The following MAGT1 variants were observed in gnomAD, a reference collection of about 807,000 sequenced individuals.
The protein encoded by MAGT1 is magnesium transporter 1, also known as dolichyl-diphosphooligosaccharide--protein glycosyltransferase subunit MAGT1.
A neutral mutation model predicts 28.4 loss-of-function variants in MAGT1; 4 were observed. The observed-to-expected ratio is 0.14, with a 90% confidence interval of 0.07 to 0.32. The LOEUF is 0.32. Among genes scored for constraint, MAGT1 ranks in the 10% least tolerant of loss-of-function variants. The probability of loss-of-function intolerance (pLI) is 1.00; values close to 1 mark genes in which losing one functional copy is unlikely to be tolerated. For missense variants in MAGT1, 193 were observed against 264.5 expected (o/e 0.73, Z 1.88); for synonymous variants, 89 against 89.7 (o/e 0.99, Z 0.04).
At chrX:77,895,534 C>A (rs1249382459), upstream of MAGT1, 6 of 1,132,159 alleles carry the variant, frequency 5.3e-6, no homozygotes, top group Admixed American at 1.6e-4. Flanking sequence ...GCCGGGAGAC[C>A]CCTCACATTA....
intron 8 of MAGT1, among the ~76,000 whole-genome samples, chrX:77,832,909 T>C (rs919333621): frequency 2.7e-5 from 3 of 110,669 alleles, no homozygotes; most frequent in African/African-American, 9.8e-5. Context: ...TCTTTTGCCT[T>C]TTCTAATTGT....
chrX:77,869,364 C>G, intron 3 of MAGT1, among the ~76,000 whole-genome samples: 1 of 111,036 alleles, frequency 9.0e-6, no homozygotes, highest in Non-Finnish European at 1.9e-5. Context: ...TGGCTAAGAC[C>G]CCAAAAGCAA....
rs2076881840 is a variant in MAGT1 at position 77,825,856 on chromosome X, C to T, written c.*3364G>A. ...TTTACTTAGTATAAAGAAATATGTT[C>T]AGAGAGGTTCAGGTGACACCTATGG... On this transcript the variant is annotated 3_prime_UTR_variant, in exon 10 of 10. Transcript: ENST00000618282. Among the ~76,000 whole-genome samples, 1 of 112,698 alleles carries T rather than the reference C, an allele frequency of 8.9e-6. No individual in the cohort carries two copies. Among genetic ancestry groups the T allele is most frequent in the African/African-American group, 3.2e-5 (1 of 31,052 alleles).
intron 8 of MAGT1, 146 bp from the exon 9 acceptor site, chrX:77,831,041 G>A (rs971424313): frequency 3.0e-4 from 53 of 177,627 alleles, no homozygotes; most frequent in South Asian, 3.0e-4. Context: ...TTTTTGAGAC[G>A]GAGTCTCGCT....
chrX:77,871,324 T>G (rs2149023864), intron 2 of MAGT1, among the ~76,000 whole-genome samples: 1 of 112,688 alleles, frequency 8.9e-6, no homozygotes, highest in South Asian at 3.6e-4. Flanking sequence ...AGAAATACAA[T>G]ATTAATTCAT....
At position 77,884,724 on chromosome X, in the gene MAGT1, T is replaced by C. The variant is rs1441378071; in HGVS notation, c.103-9127A>G. On this transcript the variant is annotated intron_variant, in intron 1 of 9. Transcript: ENST00000618282. ...CTCCCAGCTGCAACAACCAAAAATA[T>C]CTCCACACACTGCCAAATATCTCCT... 3.8e-5 allele frequency among the ~76,000 whole-genome samples: 4 copies of C among 105,928 alleles called. No individual in the cohort carries two copies. The East Asian group carries it at 1.2e-3, about 32-fold the overall frequency. The allele number at this position is 105,928 out of a possible 115,157, so 92.0% of individuals were successfully genotyped here.
At chrX:77,845,776 C>G (rs1449661661) in intron 7 of MAGT1, among the ~76,000 whole-genome samples, 5 of 112,136 alleles carry the variant, frequency 4.5e-5, no homozygotes, top group African/African-American at 1.6e-4. Flanking sequence ...CCACTCTCTT[C>G]TGGCTTGTAG....
At position 77,870,828 on chromosome X, in the gene MAGT1, C is replaced by T. The variant is rs1329499325; in HGVS notation, c.370G>A (p.Gly124Ser). The part of the protein sequence containing the change: ...IFFAMVDFDE[G>S]SDVFQMLNMN... Reference sequence around the variant, plus strand: ...CTTACCATCTGAAATACATCAGAGCCTTCATCAAAATCCACCATGGCAAAA... The same window carrying T: ...CTTACCATCTGAAATACATCAGAGCTTTCATCAAAATCCACCATGGCAAAA... The change falls in exon 3 of 10, where the codon GGC becomes AGC. Residue 124 changes from glycine to serine, a missense_variant. Coordinates refer to ENST00000618282, the MANE Select transcript of MAGT1 (RefSeq NM_001367916.1). 1 of 1,192,104 alleles carries T rather than the reference C, an allele frequency of 8.4e-7. No homozygotes were observed. The highest frequency in any genetic ancestry group is 1.8e-5 in the African/African-American group (1 of 56,923).
intron 8 of MAGT1, among the ~76,000 whole-genome samples, chrX:77,833,989 G>A (rs1557213604): frequency 9.2e-6 from 1 of 108,806 alleles, no homozygotes; most frequent in African/African-American, 3.3e-5. Flanking sequence ...CACCTACAGT[G>A]AACTCATTTT....
intron 1 of MAGT1, among the ~76,000 whole-genome samples, chrX:77,892,029 C>A (rs2077084083): frequency 9.1e-6 from 1 of 109,380 alleles, no homozygotes; most frequent in African/African-American, 3.3e-5. Context: ...GTAGCTGGGA[C>A]TACAGGCATG....
chrX:77,849,451 G>A (rs1481626735), intron 7 of MAGT1, among the ~76,000 whole-genome samples: 2 of 111,095 alleles, frequency 1.8e-5, no homozygotes, highest in African/African-American at 3.3e-5. Context: ...AGTCAGGATA[G>A]CAGTTATTTC....
chrX:77,858,040 G>A (rs1415437074), intron 3 of MAGT1, among the ~76,000 whole-genome samples: 1 of 111,673 alleles, frequency 9.0e-6, no homozygotes, highest in Non-Finnish European at 1.9e-5. Context: ...ATATATTTGA[G>A]AAGACAACAC....
At chrX:77,850,704 A>G (rs1423409729) in intron 7 of MAGT1, among the ~76,000 whole-genome samples, 1 of 111,272 alleles carries the variant, frequency 9.0e-6, no homozygotes, top group Non-Finnish European at 1.9e-5. Flanking sequence ...AATGTATACT[A>G]AACCTTAGGC....
intron 7 of MAGT1, among the ~76,000 whole-genome samples, chrX:77,852,233 T>C (rs782756103): frequency 3.6e-5 from 4 of 112,302 alleles, no homozygotes; most frequent in South Asian, 3.6e-4. Flanking sequence ...ATGGACTAGG[T>C]GTATATTGTT....
intron 1 of MAGT1, among the ~76,000 whole-genome samples, chrX:77,877,528 CT>C (rs1369211795): frequency 1.9e-5 from 2 of 107,465 alleles, no homozygotes; most frequent in Admixed American, 2.1e-4. Context: ...ATTTTACTCT[CT>C]GGGCCGGGTG....
chrX:77,826,033 A>T lies in MAGT1; in HGVS notation c.*3187T>A, dbSNP rs1400712661. ...GTAACTTTCAAATCAAGTTTTTATT[A>T]TCAAAAGGAAATTACCTAGTCAAGG... is the stretch of plus-strand genomic sequence containing the variant. On this transcript the variant is annotated 3_prime_UTR_variant, in exon 10 of 10. Transcript: ENST00000618282. Among the ~76,000 whole-genome samples the T allele has an allele frequency of 2.0e-4, 22 of 112,455 alleles. No homozygotes were observed. Among genetic ancestry groups the T allele is most frequent in the African/African-American group, 7.1e-4 (22 of 31,054 alleles).
At chrX:77,884,636 G>A (rs2077062160) in intron 1 of MAGT1, among the ~76,000 whole-genome samples, 1 of 110,050 alleles carries the variant, frequency 9.1e-6, no homozygotes, top group Admixed American at 9.9e-5. Flanking sequence ...TCCTGTCAGT[G>A]CACTGTAGGA....
chrX:77,847,215 C>T (rs998022370), intron 7 of MAGT1, among the ~76,000 whole-genome samples: 4 of 112,515 alleles, frequency 3.6e-5, no homozygotes, highest in Non-Finnish European at 7.5e-5. Context: ...GCTCCGTGGG[C>T]GTAGGACCCT....
chrX:77,859,298 G>T (rs1234568175), intron 3 of MAGT1, among the ~76,000 whole-genome samples: 1 of 111,926 alleles, frequency 8.9e-6, no homozygotes, highest in Non-Finnish European at 1.9e-5. Flanking sequence ...TGGTTATAAG[G>T]ACCAATTCTA....
Sources: gnomAD v4.1 joint callset for allele counts (sites outside exome capture counted in the v4.1 genomes callset) on GRCh38, gnomAD v4.1.1 for gene constraint, MANE v1.5 for transcripts, NCBI Gene and HGNC (gene_info 2026-07-23, HGNC 2026-07-21) for gene names.